Variants in PRKCA observed in about 807,000 individuals in gnomAD.
PRKCA encodes the protein protein kinase C alpha type.
Under a neutral mutation model 87.0 loss-of-function variants are expected in PRKCA, and 27 were observed. That is an observed-to-expected ratio of 0.31 (90% CI 0.23 to 0.43). PRKCA has a LOEUF of 0.43. Ranked by LOEUF, PRKCA falls within the 20% of genes least tolerant of loss-of-function variation. The probability of loss-of-function intolerance (pLI) is 1.00; values close to 1 mark genes in which losing one functional copy is unlikely to be tolerated. For synonymous variants in PRKCA, 329 were observed against 311.1 expected (o/e 1.06, Z -0.61); for missense variants, 518 against 852.3 (o/e 0.61, Z 4.88).
At chr17:66,317,086 G>A (rs1905359130) in intron 2 of PRKCA, among the ~76,000 whole-genome samples, 2 of 151,508 alleles carry the variant, frequency 1.3e-5, no homozygotes, top group African/African-American at 4.9e-5. Flanking sequence ...AGCTTGTAGT[G>A]AGCGGAGATC....
intron 2 of PRKCA, among the ~76,000 whole-genome samples, chr17:66,450,779 A>G (rs997270770): frequency 1.4e-4 from 8 of 57,230 alleles, no homozygotes; most frequent in African/African-American, 6.0e-4. Context: ...TGGTTACGCA[A>G]TCATGGGCCC....
At chr17:66,391,651 C>T (rs983843166) in intron 2 of PRKCA, among the ~76,000 whole-genome samples, 1 of 152,176 alleles carries the variant, frequency 6.6e-6, no homozygotes, top group Non-Finnish European at 1.5e-5. Context: ...ATTGGACAAG[C>T]ACTGATTGAG....
At chr17:66,630,713 C>G (rs1035554822) in intron 3 of PRKCA, among the ~76,000 whole-genome samples, 11 of 152,162 alleles carry the variant, frequency 7.2e-5, no homozygotes, top group Non-Finnish European at 1.5e-4. Context: ...TGCTTTGTTG[C>G]TGAGCTAAAA....
At chr17:66,796,382 T>G (rs977209427) in intron 16 of PRKCA, 1 of 957,154 alleles carries the variant, frequency 1.0e-6, no homozygotes, top group African/African-American at 1.8e-5. Flanking sequence ...TTCCCGATTC[T>G]GGACTTGCAA....
chr17:66,549,644 G>A (rs1265068675), intron 3 of PRKCA, among the ~76,000 whole-genome samples: 1 of 152,144 alleles, frequency 6.6e-6, no homozygotes, highest in Non-Finnish European at 1.5e-5. Flanking sequence ...ACCTCCTCTG[G>A]TGGTGGTTCT....
chr17:66,664,647 G>GTTTTTTTTTTTTTTTT (rs398031366), intron 5 of PRKCA, among the ~76,000 whole-genome samples: 4 of 67,812 alleles, frequency 5.9e-5, no homozygotes, highest in African/African-American at 1.3e-4. Flanking sequence ...TTTTGCTTTG[G>GTTTTTTTTTTTTTTTT]TTTTTTTTTT....
At chr17:66,786,521 T>G (rs556830491) in intron 14 of PRKCA, among the ~76,000 whole-genome samples, 4 of 152,338 alleles carry the variant, frequency 2.6e-5, no homozygotes, top group Non-Finnish European at 5.9e-5. Context: ...TAACCTAACT[T>G]GATCGTAATT....
chr17:66,546,413 T>C (rs1467531801), intron 3 of PRKCA, among the ~76,000 whole-genome samples: 1 of 152,216 alleles, frequency 6.6e-6, no homozygotes, highest in Non-Finnish European at 1.5e-5. Context: ...AAGCTAGAAG[T>C]CCACAATTAA....
intron 5 of PRKCA, among the ~76,000 whole-genome samples, chr17:66,653,800 AAAAAAAAAAC>A (rs1222618587): frequency 3.0e-5 from 4 of 134,090 alleles, no homozygotes; most frequent in Non-Finnish European, 6.8e-5. Flanking sequence ...TTAAAAAAAA[AAAAAAAAAAC>A]AAAACCAACA....
chr17:66,742,193 A>G (rs1013363861), intron 12 of PRKCA, among the ~76,000 whole-genome samples: 26 of 152,248 alleles, frequency 1.7e-4, no homozygotes, highest in African/African-American at 5.8e-4. Context: ...TTAGAAGGAT[A>G]TATGGCACAG....
rs1972732101 is a variant in PRKCA at position 66,689,862 on chromosome 17, A to G, written c.918+815A>G. Among the ~76,000 whole-genome samples, 1 of 152,218 alleles carries G rather than the reference A, an allele frequency of 6.6e-6. No individual in the cohort carries two copies. Among genetic ancestry groups the G allele is most frequent in the Admixed American group, 6.5e-5 (1 of 15,286 alleles). On this transcript the variant is annotated intron_variant, in intron 8 of 16. Coordinates refer to ENST00000413366, the MANE Select transcript of PRKCA (RefSeq NM_002737.3). This position sits in a 1 kb window ranked among gnomAD's most constrained non-coding sequence, Gnocchi z 4.1. ...CCTTTTCAGTCTGTGTAACTGGTTAATTCCTTCGTGAATCTTTCTCTTCTT... is the reference window on the plus strand; with the variant it reads ...CCTTTTCAGTCTGTGTAACTGGTTAGTTCCTTCGTGAATCTTTCTCTTCTT...
chr17:66,705,588 T>C (rs1973171798), intron 8 of PRKCA, among the ~76,000 whole-genome samples: 2 of 152,130 alleles, frequency 1.3e-5, no homozygotes. Context: ...GCCTTGTGGG[T>C]GGATGTTGCT....
intron 3 of PRKCA, among the ~76,000 whole-genome samples, chr17:66,605,931 G>A (rs1187506135): frequency 1.3e-5 from 2 of 152,076 alleles, no homozygotes; most frequent in Non-Finnish European, 2.9e-5. Context: ...GGGATGGGGA[G>A]CATTTGAAGG....
In PRKCA at chr17:66,655,641, A is replaced by G. The variant is rs565322772; in HGVS notation, c.529+10130A>G. ...TGTCATAAGTCCTTTGAGGTCAGAG[A>G]TAGTGTCTTATCTCCTGTACCCAGC... On this transcript the variant is annotated intron_variant, in intron 5 of 16. Transcript: ENST00000413366. 2.7e-4 allele frequency among the ~76,000 whole-genome samples: 41 copies of G among 152,294 alleles called. No individual in the cohort carries two copies. In the East Asian group the frequency reaches 6.8e-3, roughly 25 times the overall value.
intron 8 of PRKCA, among the ~76,000 whole-genome samples, chr17:66,716,960 A>T (rs868654287): frequency 7.3e-6 from 1 of 136,970 alleles, no homozygotes; most frequent in Non-Finnish European, 1.7e-5. Context: ...TGCTCTGCTG[A>T]ATACATACTT....
intron 3 of PRKCA, among the ~76,000 whole-genome samples, chr17:66,557,918 C>G (rs890078409): frequency 2.0e-5 from 3 of 152,184 alleles, no homozygotes; most frequent in South Asian, 2.1e-4. Flanking sequence ...CTCTCCCAGG[C>G]CCCAGTTCTG....
chr17:66,546,845 G>A (rs1450715643), intron 3 of PRKCA, among the ~76,000 whole-genome samples: 1 of 152,176 alleles, frequency 6.6e-6, no homozygotes, highest in Non-Finnish European at 1.5e-5. Context: ...GGCTTGTAAT[G>A]TAAATCTTTA....
At chr17:66,437,994 T>C (rs529083432) in intron 2 of PRKCA, among the ~76,000 whole-genome samples, 3 of 152,056 alleles carry the variant, frequency 2.0e-5, no homozygotes, top group East Asian at 3.9e-4. Context: ...TACTGTGCCC[T>C]TTATACAGTC....
chr17:66,620,742 G>T (rs965584156), intron 3 of PRKCA, among the ~76,000 whole-genome samples: 1 of 152,190 alleles, frequency 6.6e-6, no homozygotes, highest in Non-Finnish European at 1.5e-5. Context: ...CTCACTATCG[G>T]CAGTCCACAG....
Sources: allele counts gnomAD v4.1 joint callset (sites outside exome capture counted in the v4.1 genomes callset), GRCh38; gene constraint gnomAD v4.1.1; non-coding constraint Gnocchi (gnomAD v3.1); transcripts MANE v1.5; gene names NCBI Gene and HGNC (gene_info 2026-07-23, HGNC 2026-07-21).